SYNE2: variants seen among roughly 807,000 people sequenced by gnomAD.
The protein encoded by SYNE2 is nesprin-2.
Under a neutral mutation model 856.3 loss-of-function variants are expected in SYNE2, and 431 were observed. That is an observed-to-expected ratio of 0.50 (90% CI 0.47 to 0.55). The LOEUF is 0.55. SYNE2 is among the 20% of genes least tolerant of loss of function. The probability of loss-of-function intolerance (pLI) is 0.00; values close to 1 mark genes in which losing one functional copy is unlikely to be tolerated. For synonymous variants in SYNE2, 2,923 were observed against 2,872.3 expected, an observed-to-expected ratio of 1.02 and a Z score of -0.56; for missense variants, 8,129 against 8,023.2, an observed-to-expected ratio of 1.01 and a Z score of -0.50.
At position 63,870,692 on chromosome 14, in the gene SYNE2, C is replaced by A. The variant is rs942895563; in HGVS notation, c.-52+17549C>A. Among the ~76,000 whole-genome samples the A allele has an allele frequency of 5.3e-4, 79 of 149,244 alleles. 1 individual carries two copies. Among genetic ancestry groups the A allele is most frequent in the African/African-American group, 1.8e-3 (74 of 40,254 alleles). The stretch of plus-strand genomic sequence containing the variant: ...TTAAGTAATTTGCCCAAAATAACAC[C>A]TCTAGTATATGGCAAAGCTAGAATT... On this transcript the variant is annotated intron_variant, in intron 1 of 115. Coordinates refer to ENST00000555002, the MANE Select transcript of SYNE2 (RefSeq NM_182914.3).
intron 2 of SYNE2, among the ~76,000 whole-genome samples, chr14:63,933,557 A>C (rs1190093717): frequency 1.3e-5 from 2 of 152,200 alleles, no homozygotes; most frequent in Non-Finnish European, 2.9e-5. Context: ...TCTCAAATTC[A>C]GGCAAATATT....
At chr14:64,048,265 A>G in intron 46 of SYNE2, 110 bp downstream of exon 46, 1 of 1,005,532 alleles carries the variant, frequency 9.9e-7, no homozygotes, top group Non-Finnish European at 1.5e-6. Context: ...GTCTTATTTA[A>G]CCTTTGCCTG....
At chr14:63,843,093 C>T (rs1019967869) in intron 1 of SYNE2, among the ~76,000 whole-genome samples, 1 of 151,788 alleles carries the variant, frequency 6.6e-6, no homozygotes, top group Non-Finnish European at 1.5e-5. Context: ...AGGTGGAGTG[C>T]AGACGAGATC....
At chr14:63,962,069 A>ATTTTTTTTTTTTTTTTTTTT (rs1257375449) in intron 9 of SYNE2, among the ~76,000 whole-genome samples, 1 of 150,984 alleles carries the variant, frequency 6.6e-6, no homozygotes, top group Non-Finnish European at 1.5e-5. Flanking sequence ...TTATTTATTT[A>ATTTTTTTTTTTTTTTTTTTT]TTTTTGAGAT....
intron 53 of SYNE2, 91 bp downstream of exon 53, chr14:64,074,227 G>T: frequency 7.5e-7 from 1 of 1,337,708 alleles, no homozygotes; most frequent in Admixed American, 1.7e-5. Flanking sequence ...CAGTGGCTGG[G>T]TTTGGGGGAG....
At chr14:64,049,174 T>C (rs2097206811) in intron 46 of SYNE2, 1 of 152,242 alleles carries the variant, frequency 6.6e-6, no homozygotes, top group South Asian at 2.1e-4. Flanking sequence ...AGGGATGTGG[T>C]AGCTCATGGC....
intron 16 of SYNE2, 99 bp downstream of exon 16, chr14:63,981,272 A>G (rs1211278168): frequency 9.2e-7 from 1 of 1,085,198 alleles, no homozygotes; most frequent in Admixed American, 2.0e-5. Flanking sequence ...AGAGAAGAGT[A>G]CACCAGTGTT....
chr14:63,906,401 C>G (rs2095410040), intron 1 of SYNE2, among the ~76,000 whole-genome samples: 1 of 152,058 alleles, frequency 6.6e-6, no homozygotes, highest in African/African-American at 2.4e-5. Context: ...CTTTACACTT[C>G]TGGTAGAATT....
chr14:64,221,806 A>G lies in SYNE2; in HGVS notation c.20190+102A>G, dbSNP rs1280694805. ...CGCCTAGTATTTCAGGAACTGTGCC[A>G]GTGGTGTTTGCCTGTAAATGCACGA... On this transcript the variant is annotated intron_variant, in intron 112 of 115. Coordinates refer to ENST00000555002, the MANE Select transcript of SYNE2 (RefSeq NM_182914.3). The G allele has an allele frequency of 3.6e-6, 5 of 1,406,672 alleles. No homozygotes were observed. In the African/African-American group the frequency reaches 4.2e-5, roughly 12 times the overall value. The allele number at this position is 1,406,672 out of a possible 1,614,324, so 87.1% of individuals were successfully genotyped here. A position where few individuals can be genotyped will look rare whatever the true frequency, so the allele number is the denominator to read the frequency against.
chr14:64,160,523 A>T (rs921138389), intron 87 of SYNE2, among the ~76,000 whole-genome samples: 1 of 152,222 alleles, frequency 6.6e-6, no homozygotes, highest in East Asian at 1.9e-4. Flanking sequence ...GACAGTGAAT[A>T]TATGTTGTAT....
rs116390961 is a variant in SYNE2, at chr14:64,164,812, T to A, written c.16480-473T>A. Reference sequence around the variant, plus strand: ...GAATATTTATCTATGATTCTTGAGATAATAGTGAACTTCTGGGTGTTGAAA... The same window carrying A: ...GAATATTTATCTATGATTCTTGAGAAAATAGTGAACTTCTGGGTGTTGAAA... On this transcript the variant is annotated intron_variant, in intron 89 of 115. Coordinates refer to ENST00000555002, the MANE Select transcript of SYNE2 (RefSeq NM_182914.3). 9.1e-3 allele frequency among the ~76,000 whole-genome samples: 1,381 copies of A among 152,324 alleles called. 30 individuals carry two copies. The highest frequency in any genetic ancestry group is 0.031 in the African/African-American group (1,273 of 41,568).
At position 64,053,309 on chromosome 14, in the gene SYNE2, G is replaced by A. The variant is rs566182360; in HGVS notation, c.9396G>A (p.Lys3132=). The change falls in exon 48 of 116, where the codon AAG becomes AAA. Residue 3132 remains lysine (K), a synonymous_variant. Coordinates refer to ENST00000555002, the MANE Select transcript of SYNE2 (RefSeq NM_182914.3). ...QIKLNAEEND[K]LYKVLQNMVL... is the part of the protein sequence containing the mutation. ...AGCTGAATGCAGAAGAAAATGATAA[G>A]TTATACAAAGTTCTCCAAAACATGG... is the stretch of plus-strand genomic sequence containing the variant. The A allele has an allele frequency of 4.3e-6, 7 of 1,610,256 alleles. No homozygotes were observed. The South Asian group carries it at 4.5e-5, about 10-fold the overall frequency.
chr14:63,957,838 G>T (rs889466803), intron 8 of SYNE2, among the ~76,000 whole-genome samples: 6 of 152,088 alleles, frequency 3.9e-5, no homozygotes, highest in Non-Finnish European at 8.8e-5. Context: ...TCCATACTGT[G>T]CTCTTTGGAG....
chr14:63,962,086 T>G (rs1433767010), intron 9 of SYNE2, among the ~76,000 whole-genome samples: 1 of 151,976 alleles, frequency 6.6e-6, no homozygotes, highest in East Asian at 1.9e-4. Flanking sequence ...AGATGGAGTC[T>G]TGCCCTGTCG....
At chr14:63,967,577 C>T (rs1416251197) in intron 10 of SYNE2, 132 bp from the exon 11 acceptor site, 2 of 862,306 alleles carry the variant, frequency 2.3e-6, no homozygotes, top group African/African-American at 1.7e-5. Context: ...AGAGAGGATA[C>T]TGGATTCAGG....
At chr14:64,207,492 A>G (rs780017592) in intron 100 of SYNE2, among the ~76,000 whole-genome samples, 13 of 151,572 alleles carry the variant, frequency 8.6e-5, no homozygotes, top group Admixed American at 1.3e-4. Context: ...GCCCGGAGGT[A>G]GAGGTTTCCG....
intron 46 of SYNE2, chr14:64,048,889 A>G (rs2097204339): frequency 7.1e-6 from 1 of 141,558 alleles, no homozygotes; most frequent in Non-Finnish European, 1.5e-5. Flanking sequence ...AGCCTAGATG[A>G]TGGAGCGAGA....
chr14:63,913,358 T>C (rs770062262), intron 2 of SYNE2, among the ~76,000 whole-genome samples: 4 of 152,290 alleles, frequency 2.6e-5, no homozygotes, highest in Middle Eastern at 6.8e-3. Flanking sequence ...TGGGTTTCTA[T>C]AAAACTGGAA....
intron 67 of SYNE2, 136 bp downstream of exon 67, chr14:64,119,745 A>G: frequency 2.4e-6 from 2 of 822,090 alleles, no homozygotes; most frequent in Non-Finnish European, 3.8e-6. Context: ...ACACATTAAC[A>G]CCATAGATGA....
Sources: allele counts gnomAD v4.1 joint callset (sites outside exome capture counted in the v4.1 genomes callset), GRCh38; gene constraint gnomAD v4.1.1; transcripts MANE v1.5; gene names NCBI Gene and HGNC (gene_info 2026-07-23, HGNC 2026-07-21).